Variants in CAMK4 observed in about 807,000 individuals in gnomAD.
CAMK4 encodes the protein calcium/calmodulin-dependent protein kinase type IV.
In CAMK4, 22 loss-of-function variants were observed where a neutral mutation model predicts 44.9. The observed-to-expected ratio is 0.49, with a 90% CI of 0.35 to 0.70. CAMK4 has a LOEUF of 0.70. CAMK4 is among the 30% of genes least tolerant of loss of function. CAMK4 has a pLI of 0.01. For synonymous variants in CAMK4, 218 were observed against 215.4 expected (o/e 1.01, Z -0.11); for missense variants, 498 against 586.8 (o/e 0.85, Z 1.56).
chr5:111,386,511 G>A (rs1190148890), intron 4 of CAMK4, among the ~76,000 whole-genome samples: 1 of 152,188 alleles, frequency 6.6e-6, no homozygotes, highest in Non-Finnish European at 1.5e-5. Flanking sequence ...TCAGATTAGA[G>A]CTCTTCAGCT....
At chr5:111,420,844 C>T (rs1203845526) in intron 5 of CAMK4, among the ~76,000 whole-genome samples, 1 of 152,136 alleles carries the variant, frequency 6.6e-6, no homozygotes, top group Non-Finnish European at 1.5e-5. Context: ...TTGCTGTTAT[C>T]CTGTTCTTTT....
chr5:111,460,984 A>G (rs1199733430), intron 7 of CAMK4, among the ~76,000 whole-genome samples: 1 of 152,220 alleles, frequency 6.6e-6, no homozygotes, highest in Non-Finnish European at 1.5e-5. Context: ...GATTTATACA[A>G]AGAGAAAATC....
intron 1 of CAMK4, among the ~76,000 whole-genome samples, chr5:111,237,783 A>G (rs1748795670): frequency 6.6e-6 from 1 of 152,196 alleles, no homozygotes; most frequent in Non-Finnish European, 1.5e-5. Context: ...TGACTTGACC[A>G]TAGGAGGGGA....
At chr5:111,263,054 G>A (rs146719976) in intron 1 of CAMK4, among the ~76,000 whole-genome samples, 2 of 152,300 alleles carry the variant, frequency 1.3e-5, no homozygotes, top group East Asian at 3.9e-4. Flanking sequence ...TAAGCCAGAG[G>A]GCAGATAGCT....
At chr5:111,447,215 G>T (rs112915172) in intron 6 of CAMK4, among the ~76,000 whole-genome samples, 40 of 152,208 alleles carry the variant, frequency 2.6e-4, no homozygotes, top group African/African-American at 8.9e-4. Context: ...GCTTTGAGTC[G>T]CTTGTTTATA....
intron 1 of CAMK4, among the ~76,000 whole-genome samples, chr5:111,316,445 T>C (rs1748427283): frequency 6.6e-6 from 1 of 152,202 alleles, no homozygotes; most frequent in Admixed American, 6.6e-5. Context: ...CTTCTTTTCT[T>C]CTTCTAAGAT....
At chr5:111,483,380 ATTAC>A (rs1185235575) in intron 10 of CAMK4, among the ~76,000 whole-genome samples, 1 of 152,150 alleles carries the variant, frequency 6.6e-6, no homozygotes, top group African/African-American at 2.4e-5. Flanking sequence ...GATATAATAA[ATTAC>A]TTAACTAAAT....
chr5:111,316,725 A>G (rs945190146), intron 1 of CAMK4, among the ~76,000 whole-genome samples: 4 of 152,202 alleles, frequency 2.6e-5, no homozygotes, highest in African/African-American at 7.2e-5. Context: ...ATAGGAGCCC[A>G]TAGTACCTCA....
At chr5:111,394,587 G>T in intron 4 of CAMK4, 123 bp from the exon 5 acceptor site, 1 of 621,340 alleles carries the variant, frequency 1.6e-6, no homozygotes, top group Non-Finnish European at 2.9e-6. Context: ...TCCCATGGTA[G>T]TATGGTAGCT....
chr5:111,269,799 T>G (rs1309408368), intron 1 of CAMK4, among the ~76,000 whole-genome samples: 3 of 152,152 alleles, frequency 2.0e-5, no homozygotes, highest in African/African-American at 7.2e-5. Flanking sequence ...GGGTCTGCTG[T>G]TTGGCATACA....
At position 111,388,711 on chromosome 5, in the gene CAMK4, G is replaced by A. The variant is rs562415894; in HGVS notation, c.387-5999G>A. On this transcript the variant is annotated intron_variant, in intron 4 of 10. Coordinates refer to ENST00000282356, the MANE Select transcript of CAMK4 (RefSeq NM_001744.6). ...CAAGAGAAAGCCCATGAGTGCAGAG[G>A]CCATGTCCAGTTCACTACTGAGTGG... 4.6e-5 allele frequency among the ~76,000 whole-genome samples: 7 copies of A among 152,214 alleles called. No individual in the cohort carries two copies. The South Asian group carries it at 1.2e-3, about 27-fold the overall frequency.
At chr5:111,282,806 A>G (rs1367674159) in intron 1 of CAMK4, 1 of 152,236 alleles carries the variant, frequency 6.6e-6, no homozygotes, top group Non-Finnish European at 1.5e-5. Context: ...TTGAAAGTAC[A>G]ATAAGTCAAA....
intron 10 of CAMK4, 98 bp from the exon 11 acceptor site, chr5:111,483,928 C>A: frequency 1.1e-6 from 1 of 922,418 alleles, no homozygotes; most frequent in Non-Finnish European, 1.6e-6. Flanking sequence ...TTAACGCTAA[C>A]CTATAAAACG....
At position 111,282,056 on chromosome 5, in the gene CAMK4, C is replaced by CAAAAAA. The variant is rs58617977; in HGVS notation, c.161+57421_161+57426dup. Among the ~76,000 whole-genome samples, 542 of 112,468 alleles carry CAAAAAA rather than the reference C, an allele frequency of 4.8e-3. 7 individuals carry two copies. Among genetic ancestry groups the CAAAAAA allele is most frequent in the African/African-American group, 0.016 (508 of 31,950 alleles). The allele number at this position is 112,468 out of a possible 152,430, so 73.8% of individuals were successfully genotyped here. A position where few individuals can be genotyped will look rare whatever the true frequency, so the allele number is the denominator to read the frequency against. On this transcript the variant is annotated intron_variant, in intron 1 of 10. Coordinates refer to ENST00000282356, the MANE Select transcript of CAMK4 (RefSeq NM_001744.6). The stretch of plus-strand genomic sequence containing the variant: ...CCTGGGCGACAGCGAGACTCCGTCT[C>CAAAAAA]AAAAAAAAAAAAAAGAAATTTTCTG...
intron 1 of CAMK4, 135 bp from the exon 2 acceptor site, chr5:111,343,889 C>A: frequency 1.7e-6 from 1 of 583,406 alleles, no homozygotes; most frequent in Non-Finnish European, 3.1e-6. Context: ...ACAGCTAGGG[C>A]TGGTCCTATA....
chr5:111,468,575 G>C (rs1451727190), intron 7 of CAMK4, among the ~76,000 whole-genome samples: 1 of 152,186 alleles, frequency 6.6e-6, no homozygotes, highest in Non-Finnish European at 1.5e-5. Flanking sequence ...TGGGGTGCTA[G>C]AGCCTGAACT....
At chr5:111,335,639 A>G (rs1356166562) in intron 1 of CAMK4, among the ~76,000 whole-genome samples, 2 of 151,340 alleles carry the variant, frequency 1.3e-5, no homozygotes, top group Non-Finnish European at 3.0e-5. Context: ...GTAGTCCTAA[A>G]TGTGGTAGCA....
intron 6 of CAMK4, among the ~76,000 whole-genome samples, chr5:111,448,312 T>C (rs1206200213): frequency 1.3e-5 from 2 of 152,238 alleles, no homozygotes; most frequent in Non-Finnish European, 2.9e-5. Flanking sequence ...CTGAATGTAT[T>C]TTCAAGCTGA....
At chr5:111,419,480 G>A (rs1031758524) in intron 5 of CAMK4, among the ~76,000 whole-genome samples, 35 of 152,220 alleles carry the variant, frequency 2.3e-4, no homozygotes, top group African/African-American at 4.6e-4. Flanking sequence ...GTCTTTTGTT[G>A]CCATTGCTTT....
Sources: allele counts gnomAD v4.1 joint callset (sites outside exome capture counted in the v4.1 genomes callset), GRCh38; gene constraint gnomAD v4.1.1; transcripts MANE v1.5; gene names NCBI Gene and HGNC (gene_info 2026-07-23, HGNC 2026-07-21).